Variants in GRM7 observed in about 807,000 individuals in gnomAD.
The protein encoded by GRM7 is metabotropic glutamate receptor 7.
Under a neutral mutation model 84.5 loss-of-function variants are expected in GRM7, and 35 were observed. That is an observed-to-expected ratio of 0.41 (90% CI 0.32 to 0.55). GRM7 has a LOEUF of 0.55. Ranked by LOEUF, GRM7 falls within the 20% of genes least tolerant of loss-of-function variation. The probability of loss-of-function intolerance (pLI) is 0.19; values close to 1 mark genes in which losing one functional copy is unlikely to be tolerated. For missense variants in GRM7, 1,003 were observed against 1,194.6 expected (o/e 0.84, Z 2.36); for synonymous variants, 487 against 455.1 (o/e 1.07, Z -0.89).
At chr3:7,267,733 G>A (rs1427443041) in intron 2 of GRM7, among the ~76,000 whole-genome samples, 1 of 152,196 alleles carries the variant, frequency 6.6e-6, no homozygotes, top group Non-Finnish European at 1.5e-5. Context: ...CGGGCAATAG[G>A]GAGGGATGAG....
chr3:7,268,388 C>T (rs1337017920), intron 2 of GRM7, among the ~76,000 whole-genome samples: 27 of 151,748 alleles, frequency 1.8e-4, no homozygotes, highest in Admixed American at 1.8e-3. Flanking sequence ...TCCAGGTGGT[C>T]AAGGCTGCAG....
chr3:7,320,057 TA>T (rs1700719294), intron 4 of GRM7, among the ~76,000 whole-genome samples: 1 of 151,954 alleles, frequency 6.6e-6, no homozygotes. Flanking sequence ...TCACTTTATA[TA>T]AATATAATTA....
At chr3:7,187,741 G>A (rs1474622261) in intron 2 of GRM7, among the ~76,000 whole-genome samples, 1 of 152,128 alleles carries the variant, frequency 6.6e-6, no homozygotes, top group African/African-American at 2.4e-5. Flanking sequence ...GGGGTCATTG[G>A]GTCATTGACA....
At position 7,470,410 on chromosome 3, in the gene GRM7, T is replaced by C. The variant is rs535081760; in HGVS notation, c.1515+8688T>C. 4.4e-4 allele frequency among the ~76,000 whole-genome samples: 67 copies of C among 152,320 alleles called. 1 individual carries two copies. In the South Asian group the frequency reaches 0.013, roughly 30 times the overall value. On this transcript the variant is annotated intron_variant, in intron 7 of 9. Coordinates refer to ENST00000357716, the MANE Select transcript of GRM7 (RefSeq NM_000844.4). Reference sequence around the variant, plus strand: ...GAAAATGCTTTTGTGTGGAAACATGTACTTGTGTGTATTCAGAAACATATT... The same window carrying C: ...GAAAATGCTTTTGTGTGGAAACATGCACTTGTGTGTATTCAGAAACATATT...
chr3:7,244,052 G>T (rs1040232186), intron 2 of GRM7, among the ~76,000 whole-genome samples: 3 of 152,130 alleles, frequency 2.0e-5, no homozygotes, highest in African/African-American at 4.8e-5. Flanking sequence ...GTGAGTGAAT[G>T]TGAAGGCCTA....
intron 1 of GRM7, among the ~76,000 whole-genome samples, chr3:7,115,846 A>G (rs1269271993): frequency 6.6e-6 from 1 of 152,160 alleles, no homozygotes; most frequent in Non-Finnish European, 1.5e-5. Flanking sequence ...GTTGAAATGA[A>G]TCTTTCATCC....
intron 1 of GRM7, among the ~76,000 whole-genome samples, chr3:6,897,243 C>G (rs530649799): frequency 2.0e-5 from 3 of 152,310 alleles, no homozygotes; most frequent in Non-Finnish European, 4.4e-5. Flanking sequence ...TACTGCTTGT[C>G]CTGCTAGTTC....
rs550792931 is a variant in GRM7, at chr3:7,304,942, A to C, written c.879-1556A>C. ...GCAATTCACATATGAATAAGGCAGT[A>C]AAAAGCTCTGTGCCCACGGGCAGTG... On this transcript the variant is annotated intron_variant, in intron 3 of 9. Transcript: ENST00000357716. Among the ~76,000 whole-genome samples the C allele has an allele frequency of 2.0e-5, 3 of 152,328 alleles. No homozygotes were observed. The East Asian group carries it at 5.8e-4, about 29-fold the overall frequency.
At chr3:7,549,497 G>A (rs1693336716) in intron 7 of GRM7, among the ~76,000 whole-genome samples, 1 of 152,196 alleles carries the variant, frequency 6.6e-6, no homozygotes, top group Admixed American at 6.5e-5. Context: ...GAGCCTGTAT[G>A]TGGGGAGAGG....
intron 8 of GRM7, among the ~76,000 whole-genome samples, chr3:7,617,792 C>T (rs1445220431): frequency 6.6e-6 from 1 of 151,990 alleles, no homozygotes; most frequent in Non-Finnish European, 1.5e-5. Context: ...GAAGTCTCTC[C>T]AACAAACTAT....
chr3:7,217,311 A>C (rs1005186780), intron 2 of GRM7, among the ~76,000 whole-genome samples: 8 of 152,280 alleles, frequency 5.3e-5, no homozygotes, highest in Admixed American at 5.2e-4. Flanking sequence ...CCTAATTCCC[A>C]CTCAACTGGC....
intron 8 of GRM7, among the ~76,000 whole-genome samples, chr3:7,660,526 A>G (rs762721293): frequency 6.6e-6 from 1 of 152,230 alleles, no homozygotes; most frequent in Non-Finnish European, 1.5e-5. Context: ...ATAGAGAAAT[A>G]TGCTTTGTTG....
At chr3:7,186,966 C>G (rs1449196913) in intron 2 of GRM7, among the ~76,000 whole-genome samples, 1 of 152,088 alleles carries the variant, frequency 6.6e-6, no homozygotes, top group African/African-American at 2.4e-5. Context: ...TGCCTGTAGT[C>G]TCAGCTGTTT....
At chr3:7,295,843 C>T (rs973175877) in intron 2 of GRM7, among the ~76,000 whole-genome samples, 1 of 151,662 alleles carries the variant, frequency 6.6e-6, no homozygotes, top group Non-Finnish European at 1.5e-5. Flanking sequence ...GGGGATTTCT[C>T]TGTCATATGT....
intron 2 of GRM7, among the ~76,000 whole-genome samples, chr3:7,155,429 G>T (rs1694417710): frequency 6.6e-6 from 1 of 151,426 alleles, no homozygotes; most frequent in South Asian, 2.1e-4. Context: ...CTTTAACTGT[G>T]CCCACACACA....
intron 4 of GRM7, among the ~76,000 whole-genome samples, chr3:7,391,353 T>C (rs1156901547): frequency 6.6e-6 from 1 of 152,146 alleles, no homozygotes; most frequent in Non-Finnish European, 1.5e-5. Context: ...ATGTGGCACA[T>C]ACACACCATG....
At position 7,467,963 on chromosome 3, in the gene GRM7, G is replaced by C. The variant is rs534326838; in HGVS notation, c.1515+6241G>C. Among the ~76,000 whole-genome samples the C allele has an allele frequency of 1.6e-4, 24 of 152,218 alleles. No individual in the cohort carries two copies. The South Asian group carries it at 5.0e-3, about 32-fold the overall frequency. ...AAAGTTGTAATGTTTGTTCCATATT[G>C]AATCTTTCACACTTATTAGAATTTT... On this transcript the variant is annotated intron_variant, in intron 7 of 9. Transcript: ENST00000357716.
intron 9 of GRM7, chr3:7,680,530 C>T: frequency 3.9e-6 from 2 of 516,918 alleles, no homozygotes; most frequent in East Asian, 6.8e-5. Context: ...AGTGTGAAGC[C>T]TCCCCCTTCC....
At chr3:7,085,414 G>A (rs867420520) in intron 1 of GRM7, among the ~76,000 whole-genome samples, 7 of 151,922 alleles carry the variant, frequency 4.6e-5, no homozygotes, top group African/African-American at 1.5e-4. Context: ...AGTTTTATTC[G>A]ACTTGGTATA....
Sources: gnomAD v4.1 joint callset for allele counts (sites outside exome capture counted in the v4.1 genomes callset) on GRCh38, gnomAD v4.1.1 for gene constraint, MANE v1.5 for transcripts, NCBI Gene and HGNC (gene_info 2026-07-23, HGNC 2026-07-21) for gene names.